Variants in PDCD2 observed in about 807,000 individuals in gnomAD.
PDCD2 encodes the protein programmed cell death 2.
In PDCD2, 38 loss-of-function variants were observed where a neutral mutation model predicts 38.1. That is an observed-to-expected ratio of 1.00 (90% CI 0.77 to 1.31). PDCD2 has a LOEUF of 1.31. Among genes scored for constraint, PDCD2 ranks in the 50% most tolerant of loss-of-function variants. The pLI is 0.00. For synonymous variants in PDCD2, 205 were observed against 168.9 expected (o/e 1.21, Z -1.66); for missense variants, 473 against 435.7 (o/e 1.09, Z -0.76).
chr6:170,582,064 T>C, intron 3 of PDCD2: 1 of 1,471,898 alleles, frequency 6.8e-7, no homozygotes, highest in Non-Finnish European at 9.0e-7. Flanking sequence ...AGCATTTTCA[T>C]TATGTATCAT....
At chr6:170,578,690 C>T (rs1583139285) in intron 5 of PDCD2, 167 bp downstream of exon 5, 2 of 707,224 alleles carry the variant, frequency 2.8e-6, no homozygotes, top group Non-Finnish European at 5.2e-6. Flanking sequence ...CAGTTCCTTC[C>T]AGGGAACTAG....
chr6:170,582,073 A>G (rs1779622947), intron 3 of PDCD2: 1 of 1,495,086 alleles, frequency 6.7e-7, no homozygotes, highest in South Asian at 1.3e-5. Flanking sequence ...ATTATGTATC[A>G]TGTTTATCGT....
chr6:170,577,604 A>G lies in PDCD2; in HGVS notation c.990T>C (p.Tyr330=), dbSNP rs1279558489. ...CAESCSLGTG[Y]TEEFVWKQDV... The stretch of plus-strand genomic sequence containing the variant: ...CCTGCTTCCACACAAATTCTTCTGT[A>G]TAGCCAGTACCCAAGCTGCAGCTCT... Residue 330 remains tyrosine, a synonymous_variant, in exon 6 of 6, where the codon TAT becomes TAC. Transcript: ENST00000541970. 1.2e-6 allele frequency: 2 copies of G among 1,614,036 alleles called. No individual in the cohort carries two copies. The highest frequency in any genetic ancestry group is 2.2e-5 in the East Asian group (1 of 44,898).
chr6:170,582,450 A>C (rs1048682148), intron 3 of PDCD2: 2 of 1,426,468 alleles, frequency 1.4e-6, no homozygotes, highest in African/African-American at 2.9e-5. Context: ...TGACCAAAGA[A>C]AGTTATACCC....
intron 2 of PDCD2, 151 bp from the exon 3 acceptor site, chr6:170,583,339 G>T: frequency 1.1e-6 from 1 of 929,140 alleles, no homozygotes; most frequent in Non-Finnish European, 1.6e-6. Context: ...ATTATTCAGT[G>T]ATTCAGACTT....
rs1485423285 is a variant in PDCD2, at chr6:170,584,568, C to G, written c.14G>C (p.Gly5Ala). ...GAAGCCCAGCTCCACAGGCCTGGCC[C>G]CGGCGGCAGCCATGCGGGGCGCGGG... MAAA[G>A]ARPVELGFAE... The change falls in exon 1 of 6, where the codon GGG becomes GCG. Residue 5 changes from glycine (G) to alanine (A), a missense_variant. Coordinates refer to ENST00000541970, the MANE Select transcript of PDCD2 (RefSeq NM_002598.4). 31 of 1,282,662 alleles carry G rather than the reference C, an allele frequency of 2.4e-5. No individual in the cohort carries two copies. The highest frequency in any genetic ancestry group is 3.0e-5 in the Non-Finnish European group (31 of 1,018,272). The allele number at this position is 1,282,662 out of a possible 1,614,324, so 79.5% of individuals were successfully genotyped here.
chr6:170,578,389 T>C, intron 5 of PDCD2: 1 of 504,166 alleles, frequency 2.0e-6, no homozygotes, highest in South Asian at 2.8e-5. Flanking sequence ...TAACAAATCC[T>C]TTTGGGCAGG....
Position 170,576,906 on chromosome 6 carries a change from T to G in PDCD2, c.*653A>C, listed in dbSNP as rs1454067545. On this transcript the variant is annotated 3_prime_UTR_variant, in exon 6 of 6. Coordinates refer to ENST00000541970, the MANE Select transcript of PDCD2 (RefSeq NM_002598.4). The stretch of plus-strand genomic sequence containing the variant: ...ACAAAGCCACTGTTGTTCCTCATCC[T>G]GCCAACTGTGATACTGCTGCTTCAG... The G allele has an allele frequency of 6.6e-6, 1 of 152,280 alleles. No homozygotes were observed. The highest frequency in any genetic ancestry group is 1.5e-5 in the Non-Finnish European group (1 of 68,082). 9.4% of individuals were successfully genotyped at this position (152,280 alleles called of 1,614,324 possible). A position where few individuals can be genotyped will look rare whatever the true frequency, so the allele number is the denominator to read the frequency against.
chr6:170,584,181 G>A (rs1326644808), intron 1 of PDCD2, 118 bp downstream of exon 1: 12 of 1,118,288 alleles, frequency 1.1e-5, no homozygotes, highest in African/African-American at 9.8e-5. Context: ...GCGCGGAGAG[G>A]GAGCTCTGAG....
At chr6:170,579,015 A>G (rs189721590) in intron 4 of PDCD2, 45 bp from the exon 5 acceptor site, 15 of 1,209,790 alleles carry the variant, frequency 1.2e-5, no homozygotes, top group African/African-American at 3.1e-5. Context: ...TACCTTACCT[A>G]TAAGTTGCCA....
At position 170,582,370 on chromosome 6, in the gene PDCD2, GT is replaced by G; in HGVS notation, c.658+686del. The G allele has an allele frequency of 2.6e-6, 4 of 1,527,142 alleles. No homozygotes were observed. The South Asian group carries it at 4.8e-5, about 18-fold the overall frequency. The allele number at this position is 1,527,142 out of a possible 1,614,324, so 94.6% of individuals were successfully genotyped here. A position where few individuals can be genotyped will look rare whatever the true frequency, so the allele number is the denominator to read the frequency against. ...CAGTAAGCTGATGTTTTCATTTTGA[GT>G]CTATAAATCTAATTTTGTGGTGGTT... is the stretch of plus-strand genomic sequence containing the variant. On this transcript the variant is annotated intron_variant, in intron 3 of 5. Transcript: ENST00000541970.
intron 3 of PDCD2, chr6:170,581,425 T>C (rs1449052227): frequency 2.0e-5 from 3 of 152,234 alleles, no homozygotes; most frequent in Admixed American, 1.3e-4. Flanking sequence ...TTAGCGTCCT[T>C]GTGGATGTTC....
In PDCD2 at chr6:170,584,417, G is replaced by T; in HGVS notation, c.165C>A (p.Gly55=). The T allele has an allele frequency of 7.1e-7, 1 of 1,411,724 alleles. No individual in the cohort carries two copies. Among genetic ancestry groups the T allele is most frequent in the Non-Finnish European group, 9.2e-7 (1 of 1,087,880 alleles). 87.4% of individuals were successfully genotyped at this position (1,411,724 alleles called of 1,614,324 possible). A position where few individuals can be genotyped will look rare whatever the true frequency, so the allele number is the denominator to read the frequency against. Residue 55 remains glycine (G), a synonymous_variant, in exon 1 of 6, where the codon GGC becomes GGA. Coordinates refer to ENST00000541970, the MANE Select transcript of PDCD2 (RefSeq NM_002598.4). ...CCTGCAGCAGGAAGGAGAGCGGGCG[G>T]CCGCACAGCTCGCAGGCCAGGGCCT... The part of the protein sequence containing the change: ...GPQALACELC[G]RPLSFLLQVY...
rs1240950632 is a variant in PDCD2, at chr6:170,579,986, A to G, written c.762+16T>C. The G allele has an allele frequency of 2.4e-6, 3 of 1,243,594 alleles. No homozygotes were observed. The highest frequency in any genetic ancestry group is 3.6e-6 in the Non-Finnish European group (3 of 841,700). The allele number at this position is 1,243,594 out of a possible 1,614,324, so 77.0% of individuals were successfully genotyped here. A position where few individuals can be genotyped will look rare whatever the true frequency, so the allele number is the denominator to read the frequency against. ...CCTGAAGAGAACACGATGAGGAGCT[A>G]TGAGCTCCACTTTACCTGTTCTGGT... On this transcript the variant is annotated intron_variant, in intron 4 of 5. Transcript: ENST00000541970.
chr6:170,581,999 G>T, intron 3 of PDCD2: 1 of 940,572 alleles, frequency 1.1e-6, no homozygotes, highest in Non-Finnish European at 1.5e-6. Flanking sequence ...CATATTTGAA[G>T]TCCAGCTTTC....
At position 170,583,765 on chromosome 6, in the gene PDCD2, G is replaced by C; in HGVS notation, c.284-18C>G. On this transcript the variant is annotated intron_variant, in intron 1 of 5. Coordinates refer to ENST00000541970, the MANE Select transcript of PDCD2 (RefSeq NM_002598.4). ...CCTAAAAACTAAAAAAGAATACAGA[G>C]AAAAGTTTTATCTTCAAACAAAACA... 1 of 1,577,894 alleles carries C rather than the reference G, an allele frequency of 6.3e-7. No homozygotes were observed.
intron 3 of PDCD2, chr6:170,582,627 G>T: frequency 8.0e-7 from 1 of 1,257,096 alleles, no homozygotes; most frequent in Non-Finnish European, 1.0e-6. Flanking sequence ...GTCAGCACAA[G>T]TACTACCCAA....
At chr6:170,583,356 C>CTTTT in intron 2 of PDCD2, 149 bp downstream of exon 2, 7 of 792,804 alleles carry the variant, frequency 8.8e-6, no homozygotes, top group Non-Finnish European at 1.1e-5. Context: ...ACTTCACAGC[C>CTTTT]TTTTTTTTTT....
intron 3 of PDCD2, chr6:170,582,230 C>A (rs1562368905): frequency 7.0e-7 from 1 of 1,436,464 alleles, no homozygotes. Flanking sequence ...AGACTGTGAG[C>A]ATCTGACCAC....
Sources: allele counts gnomAD v4.1 joint callset, GRCh38; gene constraint gnomAD v4.1.1; transcripts MANE v1.5; gene names NCBI Gene and HGNC (gene_info 2026-07-23, HGNC 2026-07-21).